Variants in NCK2 observed in about 807,000 individuals in gnomAD.
The protein encoded by NCK2 is cytoplasmic protein NCK2.
In NCK2, 16 loss-of-function variants were observed where a neutral mutation model predicts 33.9. That is an observed-to-expected ratio of 0.47 (90% CI 0.32 to 0.72). The LOEUF is 0.72. Among genes scored for constraint, NCK2 ranks in the 30% least tolerant of loss-of-function variants. The pLI is 0.03. For synonymous variants in NCK2, 273 were observed against 239.9 expected (o/e 1.14, Z -1.27); for missense variants, 418 against 537.3 (o/e 0.78, Z 2.19).
intron 1 of NCK2, among the ~76,000 whole-genome samples, chr2:105,762,234 C>T (rs1423693404): frequency 6.6e-6 from 1 of 152,172 alleles, no homozygotes; most frequent in Non-Finnish European, 1.5e-5. Context: ...TTTCCTTCAA[C>T]TCTCAAGTTG....
At chr2:105,757,619 A>G (rs1689635495) in intron 1 of NCK2, among the ~76,000 whole-genome samples, 1 of 152,218 alleles carries the variant, frequency 6.6e-6, no homozygotes. Context: ...GGAAAACCAC[A>G]GCAAACCAGA....
At chr2:105,759,911 G>A (rs956303259) in intron 1 of NCK2, among the ~76,000 whole-genome samples, 1 of 152,146 alleles carries the variant, frequency 6.6e-6, no homozygotes, top group Non-Finnish European at 1.5e-5. Context: ...GAAGGCCACC[G>A]AGGTAATGTG....
chr2:105,864,629 G>T (rs1677676636), intron 3 of NCK2, among the ~76,000 whole-genome samples: 1 of 152,086 alleles, frequency 6.6e-6, no homozygotes, highest in Non-Finnish European at 1.5e-5. Context: ...ATTTTCAGAT[G>T]TGTAAAGATA....
chr2:105,761,174 T>C (rs1382449964), intron 1 of NCK2, among the ~76,000 whole-genome samples: 3 of 152,094 alleles, frequency 2.0e-5, no homozygotes, highest in African/African-American at 7.2e-5. Context: ...GGCAGCAGGG[T>C]TGTGCCCTAC....
Position 105,753,237 on chromosome 2 carries a change from G to C in NCK2, c.-201+8099G>C, listed in dbSNP as rs150997503. On this transcript the variant is annotated intron_variant, in intron 1 of 4. Transcript: ENST00000233154. The stretch of plus-strand genomic sequence containing the variant: ...ATTCTGGGAACGCCTTATCAGCCAA[G>C]TGGTTGGGGAAGGCCCTGGACTTTG... 2.7e-3 allele frequency among the ~76,000 whole-genome samples: 418 copies of C among 152,350 alleles called. 2 individuals are homozygous for C. The highest frequency in any genetic ancestry group is 1.0e-2 in the African/African-American group (414 of 41,578).
chr2:105,852,177 CTG>C (rs1239232552), intron 2 of NCK2, among the ~76,000 whole-genome samples: 2 of 152,172 alleles, frequency 1.3e-5, no homozygotes, highest in African/African-American at 4.8e-5. Context: ...CACTCAGTCT[CTG>C]TGACACAGTC....
chr2:105,837,515 C>T (rs1676476586), intron 2 of NCK2, among the ~76,000 whole-genome samples: 1 of 152,136 alleles, frequency 6.6e-6, no homozygotes, highest in Non-Finnish European at 1.5e-5. Context: ...ATCTTCCCTC[C>T]ATCAGGGTTA....
intron 1 of NCK2, among the ~76,000 whole-genome samples, chr2:105,750,370 C>T (rs1337685486): frequency 1.3e-5 from 2 of 152,200 alleles, no homozygotes; most frequent in Non-Finnish European, 2.9e-5. Flanking sequence ...CCTGAAGCGT[C>T]CTGTCTCCAA....
At chr2:105,808,193 T>C (rs1269015583) in intron 1 of NCK2, among the ~76,000 whole-genome samples, 2 of 152,210 alleles carry the variant, frequency 1.3e-5, no homozygotes, top group Non-Finnish European at 2.9e-5. Context: ...CCACTGTGCC[T>C]GGCCTCTTTC....
chr2:105,772,923 C>G (rs1573574932), intron 1 of NCK2, among the ~76,000 whole-genome samples: 1 of 147,946 alleles, frequency 6.8e-6, no homozygotes, highest in Non-Finnish European at 1.5e-5. Context: ...AGATGGTCTC[C>G]CTTTGTTGCC....
intron 2 of NCK2, among the ~76,000 whole-genome samples, chr2:105,826,671 A>G (rs960219198): frequency 3.9e-5 from 6 of 152,176 alleles, no homozygotes; most frequent in African/African-American, 1.4e-4. Context: ...GATTTGGGTC[A>G]TTACTGAGTT....
chr2:105,849,495 C>A (rs1676980086), intron 2 of NCK2, among the ~76,000 whole-genome samples: 1 of 152,190 alleles, frequency 6.6e-6, no homozygotes, highest in South Asian at 2.1e-4. Context: ...AACCTGGAAT[C>A]ATCAGTCTGC....
chr2:105,796,418 C>A (rs1394788970), intron 1 of NCK2, among the ~76,000 whole-genome samples: 1 of 152,134 alleles, frequency 6.6e-6, no homozygotes, highest in Admixed American at 6.5e-5. Context: ...GAGGAGTGAA[C>A]AATTCAATGT....
chr2:105,759,151 G>A (rs919020382), intron 1 of NCK2, among the ~76,000 whole-genome samples: 1 of 152,152 alleles, frequency 6.6e-6, no homozygotes, highest in Non-Finnish European at 1.5e-5. Context: ...TAGATTCCTG[G>A]TTCTTGGGCC....
At chr2:105,892,921 T>C (rs369612450) in intron 4 of NCK2, 61 bp from the exon 5 acceptor site, 2 of 1,390,352 alleles carry the variant, frequency 1.4e-6, no homozygotes, top group Non-Finnish European at 9.9e-7. Flanking sequence ...GAGATGTGGA[T>C]GGATTTAGAC....
chr2:105,844,574 C>CA (rs748327037), intron 2 of NCK2, among the ~76,000 whole-genome samples: 75 of 134,104 alleles, frequency 5.6e-4, no homozygotes, highest in African/African-American at 1.3e-3. Context: ...TAGAAAAAAA[C>CA]AAAAAAAAAA....
intron 3 of NCK2, among the ~76,000 whole-genome samples, chr2:105,862,800 C>T (rs759974750): frequency 3.9e-5 from 6 of 152,184 alleles, no homozygotes; most frequent in East Asian, 3.9e-4. Flanking sequence ...ATGTTTTTTG[C>T]GCCGTTTTTG....
At chr2:105,804,153 TTGAG>T (rs1232112371) in intron 1 of NCK2, among the ~76,000 whole-genome samples, 2 of 152,194 alleles carry the variant, frequency 1.3e-5, no homozygotes, top group African/African-American at 2.4e-5. Context: ...AAGGGGTTGG[TTGAG>T]TAAAATTTTG....
chr2:105,819,533 A>G (rs1326552290), intron 2 of NCK2, among the ~76,000 whole-genome samples: 1 of 152,180 alleles, frequency 6.6e-6, no homozygotes, highest in Non-Finnish European at 1.5e-5. Flanking sequence ...CTTGATCGTC[A>G]GTGACATTAG....
Sources: allele counts gnomAD v4.1 joint callset (sites outside exome capture counted in the v4.1 genomes callset), GRCh38; gene constraint gnomAD v4.1.1; transcripts MANE v1.5; gene names NCBI Gene and HGNC (gene_info 2026-07-23, HGNC 2026-07-21).